Variants in L3MBTL4 observed in about 807,000 individuals in gnomAD.
The protein encoded by L3MBTL4 is lethal(3)malignant brain tumor-like protein 4.
In L3MBTL4, 70 loss-of-function variants were observed where a neutral mutation model predicts 84.5. The ratio of observed to expected loss-of-function variants is 0.83; its 90% confidence interval spans 0.68 to 1.01. The LOEUF (loss-of-function observed/expected upper bound fraction) is 1.01, where lower values mean the gene tolerates loss of function less well. Ranked by LOEUF, L3MBTL4 falls within the 50% of genes least tolerant of loss-of-function variation. L3MBTL4 has a pLI of 0.00. For synonymous variants in L3MBTL4, 274 were observed against 259.8 expected (o/e 1.05, Z -0.52); for missense variants, 715 against 754.8 (o/e 0.95, Z 0.62).
At chr18:6,402,976 G>A (rs2055573276) in intron 1 of L3MBTL4, among the ~76,000 whole-genome samples, 1 of 152,166 alleles carries the variant, frequency 6.6e-6, no homozygotes, top group Admixed American at 6.5e-5. Flanking sequence ...AGAGGCAGAG[G>A]TAGGAAAGAA....
chr18:6,067,000 T>G (rs779445823), intron 16 of L3MBTL4, among the ~76,000 whole-genome samples: 7 of 151,994 alleles, frequency 4.6e-5, no homozygotes, highest in Non-Finnish European at 8.8e-5. Context: ...TTGGTGCATA[T>G]TTGTTTGTCA....
chr18:6,163,303 G>A (rs2043454058), intron 13 of L3MBTL4, among the ~76,000 whole-genome samples: 1 of 117,656 alleles, frequency 8.5e-6, no homozygotes, highest in Admixed American at 8.9e-5. Flanking sequence ...GTGTGTGTGT[G>A]TGTGGGTGGG....
intron 13 of L3MBTL4, among the ~76,000 whole-genome samples, chr18:6,157,675 G>A (rs1197772322): frequency 6.6e-6 from 1 of 151,998 alleles, no homozygotes; most frequent in Admixed American, 6.6e-5. Context: ...ATGTTTAACT[G>A]TTAAATAAAT....
At chr18:6,211,289 A>G (rs1401853349) in intron 12 of L3MBTL4, among the ~76,000 whole-genome samples, 1 of 152,202 alleles carries the variant, frequency 6.6e-6, no homozygotes, top group Admixed American at 6.5e-5. Context: ...TCAGAGTGCC[A>G]AGGTACATTC....
intron 5 of L3MBTL4, chr18:6,260,220 T>C (rs543150121): frequency 6.6e-5 from 10 of 152,282 alleles, no homozygotes; most frequent in African/African-American, 2.4e-4. Flanking sequence ...AGTCAGGTAA[T>C]ACGATGCTTT....
intron 12 of L3MBTL4, among the ~76,000 whole-genome samples, chr18:6,177,579 T>C (rs544355926): frequency 6.6e-6 from 1 of 152,352 alleles, no homozygotes; most frequent in South Asian, 2.1e-4. Flanking sequence ...AATGCGTGCA[T>C]GAAATCTGTA....
intron 1 of L3MBTL4, among the ~76,000 whole-genome samples, chr18:6,364,345 AATT>A (rs1255279972): frequency 1.3e-5 from 2 of 151,994 alleles, no homozygotes; most frequent in African/African-American, 4.8e-5. Context: ...TTTCCATTAT[AATT>A]TATAATGCCA....
chr18:6,270,714 G>T (rs979481299), intron 4 of L3MBTL4, among the ~76,000 whole-genome samples: 2 of 152,200 alleles, frequency 1.3e-5, no homozygotes, highest in Non-Finnish European at 2.9e-5. Flanking sequence ...GTCTGGGAAG[G>T]GTTCAGCACA....
intron 16 of L3MBTL4, among the ~76,000 whole-genome samples, chr18:5,993,525 G>A (rs963482386): frequency 1.3e-5 from 2 of 151,776 alleles, no homozygotes; most frequent in African/African-American, 4.8e-5. Flanking sequence ...AGCTAACCTG[G>A]ACAAGCTCTT....
intron 16 of L3MBTL4, among the ~76,000 whole-genome samples, chr18:6,066,330 G>C (rs2057398218): frequency 6.6e-6 from 1 of 152,120 alleles, no homozygotes; most frequent in Admixed American, 6.6e-5. Flanking sequence ...TGTATATTCT[G>C]TATTTGGGAA....
At chr18:6,341,052 A>G (rs2052584676) in intron 1 of L3MBTL4, among the ~76,000 whole-genome samples, 1 of 152,110 alleles carries the variant, frequency 6.6e-6, no homozygotes, top group Non-Finnish European at 1.5e-5. Flanking sequence ...GTCCATTGAT[A>G]AGGTCTCGAG....
chr18:6,026,443 C>A (rs1445941542), intron 16 of L3MBTL4, among the ~76,000 whole-genome samples: 1 of 152,158 alleles, frequency 6.6e-6, no homozygotes, highest in Non-Finnish European at 1.5e-5. Flanking sequence ...AAGAGTTAAT[C>A]TTTACCAACT....
chr18:6,073,862 G>A (rs1414281412), intron 16 of L3MBTL4, among the ~76,000 whole-genome samples: 1 of 151,442 alleles, frequency 6.6e-6, no homozygotes, highest in East Asian at 1.9e-4. Context: ...TTGTTTCTTT[G>A]TTAAAAAAAA....
intron 18 of L3MBTL4, among the ~76,000 whole-genome samples, chr18:5,957,154 C>G (rs1450872439): frequency 6.6e-6 from 1 of 151,976 alleles, no homozygotes; most frequent in Non-Finnish European, 1.5e-5. Flanking sequence ...CCATTATAAG[C>G]AAAAATACAC....
At chr18:6,110,983 A>G (rs114839826) in intron 14 of L3MBTL4, among the ~76,000 whole-genome samples, 1,805 of 146,892 alleles carry the variant, frequency 0.012, 36 homozygotes, top group African/African-American at 0.043. Flanking sequence ...CCTTCCTCCC[A>G]CCCCCCAGGT....
At chr18:6,251,871 C>A (rs1482281279) in intron 5 of L3MBTL4, among the ~76,000 whole-genome samples, 1 of 152,144 alleles carries the variant, frequency 6.6e-6, no homozygotes, top group Non-Finnish European at 1.5e-5. Flanking sequence ...CTGCACACTG[C>A]AGAGCAAAGA....
chr18:6,410,262 G>A (rs2055910828), intron 1 of L3MBTL4, among the ~76,000 whole-genome samples: 1 of 152,180 alleles, frequency 6.6e-6, no homozygotes, highest in Admixed American at 6.5e-5. Context: ...TTCCCCACCT[G>A]GCTAGCAGAT....
At chr18:6,186,648 G>A (rs1391005506) in intron 12 of L3MBTL4, among the ~76,000 whole-genome samples, 1 of 152,212 alleles carries the variant, frequency 6.6e-6, no homozygotes, top group Non-Finnish European at 1.5e-5. Flanking sequence ...ACTGGTGGAG[G>A]TGGAGGGCAG....
intron 16 of L3MBTL4, among the ~76,000 whole-genome samples, chr18:6,042,330 C>T (rs2056440855): frequency 1.3e-5 from 2 of 151,980 alleles, no homozygotes; most frequent in Admixed American, 6.6e-5. Flanking sequence ...CACTAAGTGC[C>T]CTCACTTACA....
Sources: allele counts gnomAD v4.1 joint callset (sites outside exome capture counted in the v4.1 genomes callset), GRCh38; gene constraint gnomAD v4.1.1; transcripts MANE v1.5; gene names NCBI Gene and HGNC (gene_info 2026-07-23, HGNC 2026-07-21).